IMMP2L: variants seen among roughly 807,000 people sequenced by gnomAD.
The protein encoded by IMMP2L is mitochondrial inner membrane protease subunit 2.
IMMP2L carries 18 observed loss-of-function variants against 19.3 expected under a neutral mutation model. That is an observed-to-expected ratio of 0.93 (90% CI 0.64 to 1.38). The LOEUF (loss-of-function observed/expected upper bound fraction) is 1.38. Ranked by LOEUF, IMMP2L falls within the 40% of genes most tolerant of loss-of-function variation. The pLI is 0.00. For missense variants in IMMP2L, 233 were observed against 218.2 expected (o/e 1.07, Z -0.43); for synonymous variants, 76 against 73.0 (o/e 1.04, Z -0.21).
intron 3 of IMMP2L, among the ~76,000 whole-genome samples, chr7:111,126,958 T>C (rs1801376034): frequency 6.6e-6 from 1 of 152,220 alleles, no homozygotes; most frequent in Non-Finnish European, 1.5e-5. Context: ...TATTTGTTAA[T>C]ATTAGACATT....
intron 5 of IMMP2L, among the ~76,000 whole-genome samples, chr7:110,713,940 C>T (rs1795070177): frequency 1.3e-5 from 2 of 152,168 alleles, no homozygotes; most frequent in South Asian, 4.1e-4. Context: ...CCTGATGGCT[C>T]TGGCTAGGAA....
chr7:110,689,600 C>T (rs955027908), intron 5 of IMMP2L, among the ~76,000 whole-genome samples: 3 of 152,010 alleles, frequency 2.0e-5, no homozygotes, highest in African/African-American at 7.2e-5. Context: ...GGGTGTATAC[C>T]TTCTCCTTAA....
At chr7:111,268,837 C>A (rs1195178849) in intron 3 of IMMP2L, among the ~76,000 whole-genome samples, 1 of 151,866 alleles carries the variant, frequency 6.6e-6, no homozygotes, top group Non-Finnish European at 1.5e-5. Context: ...TGGGCTCAAG[C>A]AATCCTCCTA....
At position 110,798,071 on chromosome 7, in the gene IMMP2L, A is replaced by G. The variant is rs117928245; in HGVS notation, c.408+88522T>C. Among the ~76,000 whole-genome samples the G allele has an allele frequency of 1.4e-3, 209 of 152,122 alleles. 2 individuals are homozygous for G. In the East Asian group the frequency reaches 0.032, roughly 23 times the overall value. On this transcript the variant is annotated intron_variant, in intron 5 of 5. Transcript: ENST00000405709. Reference sequence around the variant, plus strand: ...ATGTGCAATTAATCACAAAGCCATAAGAATCTTACAGCGGTCATATAGTTT... The same window carrying G: ...ATGTGCAATTAATCACAAAGCCATAGGAATCTTACAGCGGTCATATAGTTT...
chr7:111,157,112 T>C (rs1265461384), intron 3 of IMMP2L, among the ~76,000 whole-genome samples: 1 of 152,112 alleles, frequency 6.6e-6, no homozygotes, highest in Non-Finnish European at 1.5e-5. Flanking sequence ...ACAGAATCCC[T>C]GTGCACTGTT....
chr7:111,159,457 G>GC (rs200283169), intron 3 of IMMP2L, among the ~76,000 whole-genome samples: 3,276 of 152,040 alleles, frequency 0.022, 112 homozygotes, highest in African/African-American at 0.075. Context: ...ACATTTATCT[G>GC]GTTGATGTGT....
rs1280920578 is a variant in IMMP2L at position 111,364,357 on chromosome 7, C to CT, written c.239+122880dup. Among the ~76,000 whole-genome samples, 12 of 151,816 alleles carry CT rather than the reference C, an allele frequency of 7.9e-5. No individual in the cohort carries two copies. The East Asian group carries it at 1.2e-3, about 15-fold the overall frequency. On this transcript the variant is annotated intron_variant, in intron 3 of 5. Coordinates refer to ENST00000405709, the MANE Select transcript of IMMP2L (RefSeq NM_032549.4). ...GGTTTAAAAAAAATCTACCTCAATT[C>CT]TTTTTTTTGCAACTAGGCAGAGTAT...
chr7:111,059,329 G>T (rs1793800907), intron 3 of IMMP2L, among the ~76,000 whole-genome samples: 1 of 152,140 alleles, frequency 6.6e-6, no homozygotes, highest in African/African-American at 2.4e-5. Flanking sequence ...CCTTTGCCAT[G>T]TAAAATAGGA....
chr7:111,154,789 T>G (rs546054582), intron 3 of IMMP2L, among the ~76,000 whole-genome samples: 30 of 152,278 alleles, frequency 2.0e-4, no homozygotes, highest in Admixed American at 1.7e-3. Context: ...GGTCTCACTC[T>G]GTCAGTCACC....
chr7:111,419,823 T>C (rs761806291), intron 3 of IMMP2L, among the ~76,000 whole-genome samples: 4 of 151,478 alleles, frequency 2.6e-5, no homozygotes, highest in Admixed American at 6.6e-5. Context: ...TTTTCAGGGT[T>C]CACAGAACAA....
chr7:111,178,917 T>G (rs1230716694), intron 3 of IMMP2L, among the ~76,000 whole-genome samples: 1 of 152,080 alleles, frequency 6.6e-6, no homozygotes, highest in African/African-American at 2.4e-5. Flanking sequence ...TCTGTTCTCA[T>G]GCATCACAAA....
chr7:110,793,420 A>AAAACAAACAAAC (rs146489810), intron 5 of IMMP2L, among the ~76,000 whole-genome samples: 24 of 150,088 alleles, frequency 1.6e-4, no homozygotes, highest in Admixed American at 4.7e-4. Flanking sequence ...ACTCTGTCTC[A>AAAACAAACAAAC]AAACAAACAA....
At chr7:111,241,498 T>C (rs1421037214) in intron 3 of IMMP2L, among the ~76,000 whole-genome samples, 1 of 151,844 alleles carries the variant, frequency 6.6e-6, no homozygotes, top group Non-Finnish European at 1.5e-5. Flanking sequence ...ATAAAATGCT[T>C]AACAAAATTA....
At chr7:110,685,706 TTATG>T (rs1793063023) in intron 5 of IMMP2L, among the ~76,000 whole-genome samples, 1 of 152,198 alleles carries the variant, frequency 6.6e-6, no homozygotes, top group Middle Eastern at 3.4e-3. Flanking sequence ...GTGGTTGCTG[TTATG>T]TTTCATTTTT....
At position 110,807,032 on chromosome 7, in the gene IMMP2L, C is replaced by G. The variant is rs116490723; in HGVS notation, c.408+79561G>C. Among the ~76,000 whole-genome samples, 907 of 152,064 alleles carry G rather than the reference C, an allele frequency of 6.0e-3. 6 individuals are homozygous for G. The highest frequency in any genetic ancestry group is 0.02 in the African/African-American group (849 of 41,538). ...TGGATGTTGGACCATAATGACCAAT[C>G]TATGCTAAGTAGTCAGTCCCCATCT... is the stretch of plus-strand genomic sequence containing the variant. On this transcript the variant is annotated intron_variant, in intron 5 of 5. Transcript: ENST00000405709.
chr7:111,529,676 A>G (rs1361981787), intron 1 of IMMP2L, among the ~76,000 whole-genome samples: 1 of 152,160 alleles, frequency 6.6e-6, no homozygotes, highest in Non-Finnish European at 1.5e-5. Context: ...TGGCAAAGAT[A>G]CCCAATAAAA....
At chr7:110,777,140 A>G (rs1340616323) in intron 5 of IMMP2L, among the ~76,000 whole-genome samples, 1 of 151,960 alleles carries the variant, frequency 6.6e-6, no homozygotes, top group African/African-American at 2.4e-5. Context: ...ATCCTTTCCC[A>G]TGGGCCTTCT....
intron 3 of IMMP2L, among the ~76,000 whole-genome samples, chr7:111,298,115 T>C (rs1347744649): frequency 6.6e-6 from 1 of 152,100 alleles, no homozygotes; most frequent in Non-Finnish European, 1.5e-5. Flanking sequence ...CAAGTAGCAA[T>C]TAAAGATTAT....
intron 5 of IMMP2L, among the ~76,000 whole-genome samples, chr7:110,804,450 T>A (rs1012837630): frequency 1.3e-5 from 2 of 152,006 alleles, no homozygotes; most frequent in Non-Finnish European, 2.9e-5. Context: ...CTATCACTTG[T>A]GGGATTGACT....
Sources: gnomAD v4.1 joint callset for allele counts (sites outside exome capture counted in the v4.1 genomes callset) on GRCh38, gnomAD v4.1.1 for gene constraint, MANE v1.5 for transcripts, NCBI Gene and HGNC (gene_info 2026-07-23, HGNC 2026-07-21) for gene names.